Variants in ZNF254 observed in about 807,000 individuals in gnomAD.
ZNF254 encodes CTD-2017D11.1.
ZNF254 carries 10 observed loss-of-function variants against 12.4 expected under a neutral mutation model. The observed-to-expected ratio is 0.80, with a 90% CI of 0.50 to 1.36. The LOEUF is 1.36. Ranked by LOEUF, ZNF254 falls within the 40% of genes most tolerant of loss-of-function variation. The pLI is 0.00. For synonymous variants in ZNF254, 305 were observed against 253.4 expected (o/e 1.20, Z -1.93); for missense variants, 996 against 763.9 (o/e 1.30, Z -3.58).
rs372187532 is a variant in ZNF254 at position 24,126,424 on chromosome 19, C to G, written c.424C>G (p.Leu142Val). ...GGTGAACAAAGAAGGTTATAATGGA[C>G]TTAACCAGTGTTTCACAACTGCCCA... ...YKVNKEGYNG[L>V]NQCFTTAQSK... The change falls in exon 4 of 4, where the codon CTT (leucine) becomes GTT (valine). Residue 142 changes from leucine (L) to valine (V), a missense_variant. Coordinates refer to ENST00000357002, the MANE Select transcript of ZNF254 (RefSeq NM_203282.4). 5 of 1,601,110 alleles carry G rather than the reference C, an allele frequency of 3.1e-6. No individual in the cohort carries two copies. The highest frequency in any genetic ancestry group is 1.8e-5 in the Admixed American group (1 of 56,602).
chr19:24,083,369 A>G (rs1363260336), upstream of ZNF254, among the ~76,000 whole-genome samples: 2 of 152,196 alleles, frequency 1.3e-5, no homozygotes, highest in Non-Finnish European at 2.9e-5. Context: ...TAGGGTTAGT[A>G]TTGTAAAAAT....
intron 2 of ZNF254, among the ~76,000 whole-genome samples, chr19:24,074,006 T>C (rs1971571158): frequency 1.3e-5 from 2 of 152,288 alleles, no homozygotes; most frequent in South Asian, 2.1e-4. Context: ...CTAGGTGGTG[T>C]GACTACATTT....
At position 24,061,308 on chromosome 19, in the gene ZNF254, G is replaced by A. The variant is rs528032627; in HGVS notation, c.-94+15029G>A. 2.9e-3 allele frequency among the ~76,000 whole-genome samples: 439 copies of A among 152,316 alleles called. 1 individual carries two copies. The highest frequency in any genetic ancestry group is 0.014 in the Middle Eastern group (4 of 294). On this transcript the variant is annotated intron_variant, in intron 2 of 4. Coordinates refer to the ZNF254 transcript ENST00000613065. Reference sequence around the variant, plus strand: ...ACATATCACTGGAACCAGAACTTAGGTGATGTGACTCTTCTGTCTAACAAC... The same window carrying A: ...ACATATCACTGGAACCAGAACTTAGATGATGTGACTCTTCTGTCTAACAAC...
At chr19:24,049,201 TATATATATATA>T (rs1489115436) in intron 2 of ZNF254, among the ~76,000 whole-genome samples, 15 of 67,442 alleles carry the variant, frequency 2.2e-4, no homozygotes, top group East Asian at 8.2e-4. Flanking sequence ...TATATATATA[TATATATATATA>T]TATTTTTTTT....
chr19:24,114,244 A>G (rs1199916421), intron 3 of ZNF254, among the ~76,000 whole-genome samples: 1 of 151,964 alleles, frequency 6.6e-6, no homozygotes, highest in Admixed American at 6.6e-5. Context: ...AAAAGAACAA[A>G]GCTGGAGGCA....
upstream of ZNF254, among the ~76,000 whole-genome samples, chr19:24,086,450 C>T (rs1314624209): frequency 6.6e-6 from 1 of 151,822 alleles, no homozygotes; most frequent in African/African-American, 2.4e-5. Context: ...GGGTTATAGG[C>T]GTGCGCCACC....
intron 1 of ZNF254, among the ~76,000 whole-genome samples, chr19:24,090,545 T>TCATGCCTCAGCCTCCCAAGTAG (rs1972310901): frequency 6.6e-6 from 1 of 152,154 alleles, no homozygotes; most frequent in Admixed American, 6.5e-5. Context: ...CAGGTGATTC[T>TCATGCCTCAGCCTCCCAAGTAG]CATGCCTCAG....
chr19:24,043,408 C>T (rs1375444200), intron 1 of ZNF254, among the ~76,000 whole-genome samples: 2 of 152,064 alleles, frequency 1.3e-5, no homozygotes, highest in Admixed American at 6.5e-5. Context: ...ACGACAGGTG[C>T]ATGCCACCAT....
rs540369186 is a variant in ZNF254, at chr19:24,055,817, G to A, written c.-94+9538G>A. On this transcript the variant is annotated intron_variant, in intron 2 of 4. Coordinates refer to the ZNF254 transcript ENST00000613065. ...AAAGTCCACAGGAGGAGTATAGGCT[G>A]TCAGGTACAAATTTAGTTCACTGTT... 8.8e-4 allele frequency among the ~76,000 whole-genome samples: 134 copies of A among 152,304 alleles called. 1 individual carries two copies. The highest frequency in any genetic ancestry group is 1.6e-3 in the Non-Finnish European group (107 of 68,036).
intron 1 of ZNF254, among the ~76,000 whole-genome samples, chr19:24,045,235 T>C (rs975569260): frequency 7.9e-5 from 12 of 152,180 alleles, no homozygotes; most frequent in Non-Finnish European, 1.3e-4. Context: ...CACTTTGTGA[T>C]AGTTTAAGCC....
Position 24,087,363 on chromosome 19 carries a change from A to G in ZNF254, c.30+26A>G, listed in dbSNP as rs187884426. On this transcript the variant is annotated intron_variant, in intron 1 of 3. Coordinates refer to ENST00000357002, the MANE Select transcript of ZNF254 (RefSeq NM_203282.4). ...GTGAGAATGCCAGTCCGACATCCCG[A>G]GAGAGGGGAGGGGGCTGGTTGGAAC... is the stretch of plus-strand genomic sequence containing the variant. The G allele has an allele frequency of 4.3e-4, 686 of 1,613,074 alleles. 2 individuals carry two copies. The African/African-American group carries it at 8.2e-3, about 19-fold the overall frequency.
chr19:24,115,048 GA>G (rs1323936387), intron 3 of ZNF254, among the ~76,000 whole-genome samples: 1 of 152,284 alleles, frequency 6.6e-6, no homozygotes, highest in East Asian at 1.9e-4. Context: ...AGGATGTGGA[GA>G]AATAGGAACA....
At chr19:24,062,087 C>CAAAAAAAAAAAAAAA (rs72097158) in intron 2 of ZNF254, among the ~76,000 whole-genome samples, 1 of 115,084 alleles carries the variant, frequency 8.7e-6, no homozygotes, top group African/African-American at 3.2e-5. Flanking sequence ...CTCTGTCTCA[C>CAAAAAAAAAAAAAAA]AAAAAAAAAA....
In ZNF254 at chr19:24,126,526, C is replaced by T. The variant is rs372662721; in HGVS notation, c.526C>T (p.His176Tyr). The T allele has an allele frequency of 1.7e-5, 27 of 1,599,616 alleles. No homozygotes were observed. The highest frequency in any genetic ancestry group is 2.2e-5 in the Non-Finnish European group (26 of 1,175,512). The change falls in exon 4 of 4, where the codon CAT (histidine) becomes TAT (tyrosine). Residue 176 changes from histidine (H) to tyrosine (Y), a missense_variant. Coordinates refer to ENST00000357002, the MANE Select transcript of ZNF254 (RefSeq NM_203282.4). The part of the protein sequence containing the change: ...FLNSNRPKIR[H>Y]TEKKSFKCKK... ...AAATTCAAACAGACCTAAGATAAGACATACTGAAAAGAAATCTTTCAAATG... is the reference window on the plus strand; with the variant it reads ...AAATTCAAACAGACCTAAGATAAGATATACTGAAAAGAAATCTTTCAAATG...
intron 2 of ZNF254, chr19:24,049,694 A>G (rs1011945074): frequency 6.6e-6 from 1 of 151,826 alleles, no homozygotes; most frequent in Admixed American, 6.6e-5. Context: ...GGCCCCACAC[A>G]TAGGTTATGT....
chr19:24,035,611 T>A (rs904055695), intron 1 of ZNF254, among the ~76,000 whole-genome samples: 8 of 152,196 alleles, frequency 5.3e-5, no homozygotes, highest in Middle Eastern at 3.4e-3. Flanking sequence ...AGGTGGAGGT[T>A]GCAGTGAGCC....
At chr19:24,062,826 G>A (rs1374957754) in intron 2 of ZNF254, among the ~76,000 whole-genome samples, 1 of 152,142 alleles carries the variant, frequency 6.6e-6, no homozygotes, top group Non-Finnish European at 1.5e-5. Flanking sequence ...TTGAGATGGA[G>A]TTTTGCTCTT....
chr19:24,089,879 G>GAAAAC (rs918528382), intron 1 of ZNF254, among the ~76,000 whole-genome samples: 45 of 151,738 alleles, frequency 3.0e-4, no homozygotes, highest in Non-Finnish European at 5.4e-4. Context: ...AAAATTTCTA[G>GAAAAC]AAAACAAAAC....
intron 3 of ZNF254, among the ~76,000 whole-genome samples, chr19:24,117,213 T>C (rs1305658622): frequency 6.6e-6 from 1 of 152,152 alleles, no homozygotes; most frequent in Non-Finnish European, 1.5e-5. Flanking sequence ...GGAGAACCAC[T>C]GCTCTCTTCA....
Sources: gnomAD v4.1 joint callset for allele counts (sites outside exome capture counted in the v4.1 genomes callset) on GRCh38, gnomAD v4.1.1 for gene constraint, MANE v1.5 for transcripts, NCBI Gene and HGNC (gene_info 2026-07-23, HGNC 2026-07-21) for gene names.